The following GPAT4 variants were observed in gnomAD, a reference collection of about 807,000 sequenced individuals.
GPAT4 encodes the protein 1-AGP acyltransferase 6.
Under a neutral mutation model 58.0 loss-of-function variants are expected in GPAT4, and 17 were observed. The observed-to-expected ratio is 0.29, with a 90% CI of 0.20 to 0.44. The LOEUF is 0.44. GPAT4 is among the 20% of genes least tolerant of loss of function. GPAT4 has a pLI of 1.00. For synonymous variants in GPAT4, 204 were observed against 210.1 expected (o/e 0.97, Z 0.25); for missense variants, 377 against 574.5 (o/e 0.66, Z 3.51).
intron 5 of GPAT4, among the ~76,000 whole-genome samples, chr8:41,611,209 A>T (rs1208409266): frequency 6.6e-6 from 1 of 152,248 alleles, no homozygotes; most frequent in East Asian, 1.9e-4. Flanking sequence ...TAGGCAACAG[A>T]GCGAGACTCC....
intron 2 of GPAT4, among the ~76,000 whole-genome samples, chr8:41,602,958 C>A (rs1365553942): frequency 6.6e-6 from 1 of 152,170 alleles, no homozygotes; most frequent in African/African-American, 2.4e-5. Context: ...CTATTCATGA[C>A]TGCTTCACCT....
intron 4 of GPAT4, chr8:41,610,406 G>A (rs923211484): frequency 1.0e-4 from 130 of 1,241,120 alleles, no homozygotes; most frequent in East Asian, 1.8e-4. Context: ...TGCTTCCACC[G>A]GGGTTTCCAG....
At chr8:41,609,125 C>T (rs1245837336) in intron 2 of GPAT4, among the ~76,000 whole-genome samples, 2 of 152,350 alleles carry the variant, frequency 1.3e-5, no homozygotes, top group East Asian at 3.9e-4. Context: ...GAGCTCCCTA[C>T]AGCCCGGAGA....
chr8:41,591,171 A>G (rs1236527888), intron 1 of GPAT4, among the ~76,000 whole-genome samples: 1 of 152,170 alleles, frequency 6.6e-6, no homozygotes, highest in Non-Finnish European at 1.5e-5. Flanking sequence ...ACCGGTAATC[A>G]GAATGGAATA....
chr8:41,581,697 C>T (rs1414072567), intron 1 of GPAT4, among the ~76,000 whole-genome samples: 13 of 146,560 alleles, frequency 8.9e-5, no homozygotes, highest in African/African-American at 1.3e-4. Flanking sequence ...GGCGCAATCT[C>T]GGCTCACTGC....
chr8:41,616,853 C>G (rs2150506380), intron 10 of GPAT4, among the ~76,000 whole-genome samples: 1 of 152,286 alleles, frequency 6.6e-6, no homozygotes, highest in Non-Finnish European at 1.5e-5. Context: ...TATTGGTAAT[C>G]AAACTTGGAT....
chr8:41,592,661 C>T (rs1458485286), intron 1 of GPAT4, among the ~76,000 whole-genome samples: 2 of 152,124 alleles, frequency 1.3e-5, no homozygotes, highest in Non-Finnish European at 2.9e-5. Context: ...GGGCTAAATG[C>T]TCGGCTAATT....
intron 12 of GPAT4, 35 bp downstream of exon 12, chr8:41,619,012 C>A: frequency 1.2e-6 from 2 of 1,607,320 alleles, no homozygotes; most frequent in Non-Finnish European, 1.7e-6. Context: ...AGCTGAGTTT[C>A]TGCAGCAGAT....
chr8:41,608,816 TG>T (rs1446980631), intron 2 of GPAT4, among the ~76,000 whole-genome samples: 3 of 102,344 alleles, frequency 2.9e-5, no homozygotes, highest in South Asian at 2.6e-4. Flanking sequence ...GAATTGAATC[TG>T]GGTTTTTTTT....
At position 41,597,837 on chromosome 8, in the gene GPAT4, G is replaced by GGCCTGGGGGCCATTGGTGAC. The variant is rs748694308; in HGVS notation, c.-848-453_-848-434dup. On this transcript the variant is annotated intron_variant, in intron 1 of 12. Coordinates refer to ENST00000396987, the MANE Select transcript of GPAT4 (RefSeq NM_178819.4). ...GAAGAATAATACGTCCTTGTTGCCT[G>GGCCTGGGGGCCATTGGTGAC]GCCTGGGGGCCATTGGTGACGGAGA... Among the ~76,000 whole-genome samples, 564 of 152,330 alleles carry GGCCTGGGGGCCATTGGTGAC rather than the reference G, an allele frequency of 3.7e-3. 1 individual carries two copies. Among genetic ancestry groups the GGCCTGGGGGCCATTGGTGAC allele is most frequent in the Non-Finnish European group, 6.8e-3 (460 of 68,018 alleles).
At chr8:41,610,040 C>T (rs1347580862) in intron 4 of GPAT4, 85 bp downstream of exon 4, 7 of 1,516,358 alleles carry the variant, frequency 4.6e-6, no homozygotes, top group South Asian at 2.7e-5. Flanking sequence ...TGTGTATTCC[C>T]GTTTTAGAAA....
chr8:41,595,145 G>A (rs1802893788), intron 1 of GPAT4, among the ~76,000 whole-genome samples: 2 of 147,536 alleles, frequency 1.4e-5, no homozygotes, highest in South Asian at 4.2e-4. Flanking sequence ...AATTAACTTA[G>A]AATTGGTATA....
chr8:41,587,078 C>T (rs1264481451), intron 1 of GPAT4, among the ~76,000 whole-genome samples: 1 of 152,240 alleles, frequency 6.6e-6, no homozygotes, highest in Non-Finnish European at 1.5e-5. Context: ...TGGATACCAA[C>T]TGTCCTGATT....
intron 1 of GPAT4, among the ~76,000 whole-genome samples, chr8:41,587,683 C>CA (rs551779072): frequency 2.2e-3 from 337 of 152,258 alleles, no homozygotes; most frequent in African/African-American, 6.0e-3. Flanking sequence ...TCGTGACAGC[C>CA]AAAAATCCCT....
intron 2 of GPAT4, among the ~76,000 whole-genome samples, chr8:41,607,032 A>G (rs1163478141): frequency 1.3e-5 from 2 of 152,186 alleles, no homozygotes; most frequent in African/African-American, 4.8e-5. Context: ...CTCTTGAAAT[A>G]TGTCAAAGAA....
At chr8:41,604,642 A>T (rs943558230) in intron 2 of GPAT4, among the ~76,000 whole-genome samples, 3 of 152,248 alleles carry the variant, frequency 2.0e-5, no homozygotes, top group Admixed American at 2.0e-4. Context: ...GAGAAAGATG[A>T]GAACAAATGA....
Position 41,594,186 on chromosome 8 carries a change from T to C in GPAT4, c.-848-4106T>C, listed in dbSNP as rs186220742. On this transcript the variant is annotated intron_variant, in intron 1 of 12. Coordinates refer to ENST00000396987, the MANE Select transcript of GPAT4 (RefSeq NM_178819.4). ...AAAACCCATTGTGTTTTTATTTTAA[T>C]GTTCAGTTTACAGAAAAACTGGATG... is the stretch of plus-strand genomic sequence containing the variant. Among the ~76,000 whole-genome samples, 4 of 152,358 alleles carry C rather than the reference T, an allele frequency of 2.6e-5. No homozygotes were observed. The East Asian group carries it at 7.7e-4, about 29-fold the overall frequency.
intron 10 of GPAT4, 59 bp downstream of exon 10, chr8:41,615,107 G>A: frequency 6.8e-7 from 1 of 1,466,818 alleles, no homozygotes; most frequent in Non-Finnish European, 9.5e-7. Flanking sequence ...GTGGGGTGCA[G>A]CAGGAGGAGG....
intron 1 of GPAT4, among the ~76,000 whole-genome samples, chr8:41,582,521 T>A (rs746550343): frequency 1.3e-5 from 2 of 151,918 alleles, no homozygotes; most frequent in Non-Finnish European, 2.9e-5. Flanking sequence ...TTATTTTGAG[T>A]CTCCTTTAAA....
Sources: allele counts gnomAD v4.1 joint callset (sites outside exome capture counted in the v4.1 genomes callset), GRCh38; gene constraint gnomAD v4.1.1; transcripts MANE v1.5; gene names NCBI Gene and HGNC (gene_info 2026-07-23, HGNC 2026-07-21).